The following NAPRT variants were observed in gnomAD, a reference collection of about 807,000 sequenced individuals.
The protein encoded by NAPRT is FHA-HIT-interacting protein.
NAPRT carries 66 observed loss-of-function variants against 60.7 expected under a neutral mutation model. That is an observed-to-expected ratio of 1.09 (90% CI 0.89 to 1.33). The LOEUF (loss-of-function observed/expected upper bound fraction) is 1.33, where lower values mean the gene tolerates loss of function less well. NAPRT is among the 40% of genes most tolerant of loss of function. The pLI, the probability that NAPRT is intolerant of heterozygous loss-of-function variation, is 0.00. For missense variants in NAPRT, 818 were observed against 731.5 expected (o/e 1.12, Z -1.36); for synonymous variants, 405 against 335.7 (o/e 1.21, Z -2.26).
At position 143,577,142 on chromosome 8, in the gene NAPRT, G is replaced by T. The variant is rs577348741; in HGVS notation, c.604C>A (p.Leu202Met). 6.2e-6 allele frequency: 10 copies of T among 1,612,886 alleles called. No individual in the cohort carries two copies. Among genetic ancestry groups the T allele is most frequent in the Non-Finnish European group, 8.5e-6 (10 of 1,179,888 alleles). Residue 202 changes from leucine (L) to methionine (M), a missense_variant, in exon 5 of 13, where the codon CTG becomes ATG. Transcript: ENST00000449291. Reference sequence around the variant, plus strand: ...GTCCCGGCCACCGGCACACCTCGCAGCTGGCCCGCTAGCACGTTGCTGCTG... The same window carrying T: ...GTCCCGGCCACCGGCACACCTCGCATCTGGCCCGCTAGCACGTTGCTGCTG... ...DSSSNVLAGQ[L>M]RGVPVAGTLA...
In NAPRT at chr8:143,575,525, G is replaced by A; in HGVS notation, c.1189C>T (p.Leu397=). Residue 397 remains leucine (L), a splice_region_variant and synonymous_variant, in exon 10 of 13, where the codon CTG becomes TTG. Transcript: ENST00000449291. ...CGTGGCTGGCCCCCCACGGCCACCA[G>A]CTGCAGGAAGAGGGCGTTGAGCTGG... is the stretch of plus-strand genomic sequence containing the variant. The part of the protein sequence containing the change: ...QQPSLGGVYK[L]VAVGGQPRMK... The A allele has an allele frequency of 2.5e-6, 4 of 1,598,776 alleles. No homozygotes were observed. The highest frequency in any genetic ancestry group is 2.6e-6 in the Non-Finnish European group (3 of 1,168,448).
In NAPRT at chr8:143,577,324, C is replaced by T. The variant is rs1469410052; in HGVS notation, c.513G>A (p.Arg171=). The T allele has an allele frequency of 6.2e-7, 1 of 1,605,790 alleles. No individual in the cohort carries two copies. The highest frequency in any genetic ancestry group is 8.5e-7 in the Non-Finnish European group (1 of 1,177,328). Residue 171 remains arginine (R), a synonymous_variant, in exon 4 of 13, where the codon AGG becomes AGA. Coordinates refer to ENST00000449291, the MANE Select transcript of NAPRT (RefSeq NM_145201.6). Reference sequence around the variant, plus strand: ...GGCCCCCATCGGGGCCCTGAGCCCGCCTCAGGCCCATCTCTAGCAGCCGCT... The same window carrying T: ...GGCCCCCATCGGGGCCCTGAGCCCGTCTCAGGCCCATCTCTAGCAGCCGCT... The part of the protein sequence containing the change: ...PEKRLLEMGL[R]RAQGPDGGLT...
At chr8:143,573,288 A>AG (rs1310281497), downstream of NAPRT, among the ~76,000 whole-genome samples, 8 of 152,262 alleles carry the variant, frequency 5.3e-5, no homozygotes, top group South Asian at 1.7e-3. Flanking sequence ...GGAGGTGTGG[A>AG]GGGGGCAGTG....
chr8:143,577,306 A>C lies in NAPRT; in HGVS notation c.531T>G (p.Asp177Glu). ...TGTAGGTGGAGGCTGTCAGGCCCCC[A>C]TCGGGGCCCTGAGCCCGCCTCAGGC... The part of the protein sequence containing the change: ...EMGLRRAQGP[D>E]GGLTASTYSY... Residue 177 changes from aspartate (D) to glutamate (E), a missense_variant, in exon 4 of 13, where the codon GAT (aspartate) becomes GAG (glutamate). Coordinates refer to ENST00000449291, the MANE Select transcript of NAPRT (RefSeq NM_145201.6). The C allele has an allele frequency of 6.2e-7, 1 of 1,606,778 alleles. No homozygotes were observed. The highest frequency in any genetic ancestry group is 8.5e-7 in the Non-Finnish European group (1 of 1,177,666).
At chr8:143,575,575 C>T (rs1824382464) in intron 9 of NAPRT, 47 bp downstream of exon 9, 2 of 1,591,748 alleles carry the variant, frequency 1.3e-6, no homozygotes, top group Non-Finnish European at 8.6e-7. Flanking sequence ...CCACCCAGCA[C>T]CATCCCTCAG....
At position 143,574,839 on chromosome 8, in the gene NAPRT, C is replaced by T. The variant is rs1270096940; in HGVS notation, c.1616G>A (p.Ter539=). 6.4e-7 allele frequency: 1 copy of T among 1,550,672 alleles called. No homozygotes were observed. Among genetic ancestry groups the T allele is most frequent in the Non-Finnish European group, 8.7e-7 (1 of 1,146,982 alleles). Reference sequence around the variant, plus strand: ...TTCCAGTCAGCCCCGCTCCGAGTCTCAGGGGGACTGCCCCGCACACAGACT... The same window carrying T: ...TTCCAGTCAGCCCCGCTCCGAGTCTTAGGGGGACTGCCCCGCACACAGACT... ...VNSLCAGQSP[*] is the part of the protein sequence containing the mutation. The change falls in exon 13 of 13, where the codon TGA becomes TAA. Residue 539 remains the stop codon, a stop_retained_variant. Coordinates refer to ENST00000449291, the MANE Select transcript of NAPRT (RefSeq NM_145201.6).
chr8:143,576,037 G>T, intron 8 of NAPRT, 41 bp downstream of exon 8: 1 of 1,501,414 alleles, frequency 6.7e-7, no homozygotes, highest in Non-Finnish European at 9.0e-7. Flanking sequence ...GGCCCCCAGA[G>T]CCCCCCAGCC....
rs757351270 is a variant in NAPRT at position 143,575,248 on chromosome 8, G to A, written c.1389C>T (p.Cys463=). 1 of 1,612,604 alleles carries A rather than the reference G, an allele frequency of 6.2e-7. No individual in the cohort carries two copies. The highest frequency in any genetic ancestry group is 2.2e-5 in the East Asian group (1 of 44,880). The change falls in exon 11 of 13, where the codon TGC becomes TGT. Residue 463 remains cysteine (C), a synonymous_variant. Coordinates refer to ENST00000449291, the MANE Select transcript of NAPRT (RefSeq NM_145201.6). ...RVWPPGAQEP[C]TVRPAQVEPL... Reference sequence around the variant, plus strand: ...GCTCCACCTGGGCTGGCCTCACGGTGCAGGGCTCCTGGGCCCCTGGAGGCC... The same window carrying A: ...GCTCCACCTGGGCTGGCCTCACGGTACAGGGCTCCTGGGCCCCTGGAGGCC...
rs1378459162 is a variant in NAPRT, at chr8:143,575,101, G to A, written c.1447-8C>T. On this transcript the variant is annotated splice_polypyrimidine_tract_variant and splice_region_variant and intron_variant, in intron 11 of 12. Coordinates refer to ENST00000449291, the MANE Select transcript of NAPRT (RefSeq NM_145201.6). ...TGGGAGCGGCTCACACAGCTGCAGG[G>A]AGGAGGTAAGGAAAGAGAAGCTTGG... is the stretch of plus-strand genomic sequence containing the variant. 3 of 1,532,432 alleles carry A rather than the reference G, an allele frequency of 2.0e-6. No homozygotes were observed. In the East Asian group the frequency reaches 7.3e-5, roughly 37 times the overall value. The allele number at this position is 1,532,432 out of a possible 1,614,324, so 94.9% of individuals were successfully genotyped here. A position where few individuals can be genotyped will look rare whatever the true frequency, so the allele number is the denominator to read the frequency against.
At chr8:143,574,658 T>C (rs1475801292), downstream of NAPRT, 10 of 743,916 alleles carry the variant, frequency 1.3e-5, no homozygotes, top group Non-Finnish European at 2.1e-5. Context: ...GCAGGGCCTG[T>C]GCTTTCACTG....
chr8:143,574,359 C>T (rs1272060836), downstream of NAPRT, among the ~76,000 whole-genome samples: 1 of 152,204 alleles, frequency 6.6e-6, no homozygotes, highest in Non-Finnish European at 1.5e-5. Flanking sequence ...GAGTTTGAGA[C>T]GTCTTCACTG....
In NAPRT at chr8:143,575,331, C is replaced by A. The variant is rs1235144937; in HGVS notation, c.1306G>T (p.Asp436Tyr). 6 of 1,612,714 alleles carry A rather than the reference C, an allele frequency of 3.7e-6. No homozygotes were observed. In the East Asian group the frequency reaches 1.3e-4, roughly 36 times the overall value. Residue 436 changes from aspartate to tyrosine, a missense_variant, in exon 11 of 13, where the codon GAC becomes TAC. Transcript: ENST00000449291. ...GGCTCTTCTGCTAACTGCAGCATGT[C>A]CATGAGTGGAGACCCTGTGTGGACG... ...LLGSDGSPLMDMLQLAEEPVP... is the reference protein window; with the variant it reads ...LLGSDGSPLMYMLQLAEEPVP...
chr8:143,576,209 C>A, intron 7 of NAPRT, 47 bp from the exon 8 acceptor site: 1 of 1,510,610 alleles, frequency 6.6e-7, no homozygotes, highest in Non-Finnish European at 8.9e-7. Flanking sequence ...TCGGGTCTTC[C>A]TGATTCACCC....
rs962746019 is a variant in NAPRT, at chr8:143,575,513, C to T, written c.1201G>A (p.Gly401Arg). 43 of 1,598,320 alleles carry T rather than the reference C, an allele frequency of 2.7e-5. No homozygotes were observed. The highest frequency in any genetic ancestry group is 3.7e-5 in the Non-Finnish European group (43 of 1,168,020). ...LGGVYKLVAV[G>R]GQPRMKLTED... ...GTCAGCTTCATTCGTGGCTGGCCCC[C>T]CACGGCCACCAGCTGCAGGAAGAGG... Residue 401 changes from glycine to arginine, a missense_variant, in exon 10 of 13, where the codon GGG becomes AGG. By Grantham distance (125) the Gly-to-Arg change is moderately radical. Transcript: ENST00000449291.
At chr8:143,575,133 C>T in intron 11 of NAPRT, 40 bp from the exon 12 acceptor site, 5 of 1,565,450 alleles carry the variant, frequency 3.2e-6, no homozygotes, top group Admixed American at 1.9e-5. Flanking sequence ...TTGGGGCTAG[C>T]TCCCAGTCAG....
chr8:143,575,116 G>A (rs978155361), intron 11 of NAPRT, 23 bp from the exon 12 acceptor site: 2 of 1,548,600 alleles, frequency 1.3e-6, no homozygotes. Context: ...GGTAAGGAAA[G>A]AGAAGCTTGG....
chr8:143,575,598 C>A, intron 9 of NAPRT, 24 bp downstream of exon 9: 1 of 1,586,124 alleles, frequency 6.3e-7, no homozygotes. Context: ...CTGCCCCCAC[C>A]TGGGCCCCCG....
At chr8:143,574,713 A>G, downstream of NAPRT, 1 of 1,183,336 alleles carries the variant, frequency 8.5e-7, no homozygotes, top group Non-Finnish European at 1.2e-6. Context: ...TCCCGACTCC[A>G]GCCCAGCCGC....
chr8:143,577,849 T>C lies in NAPRT; in HGVS notation c.321A>G (p.Arg107=). The C allele has an allele frequency of 6.2e-7, 1 of 1,611,510 alleles. No individual in the cohort carries two copies. The change falls in exon 2 of 13, where the codon CGA becomes CGG. Residue 107 remains arginine, a synonymous_variant. Transcript: ENST00000449291. ...RALDCSEVTV[R]ALPEGSLAFP... is the part of the protein sequence containing the mutation. ...AGGCGAGGGAGCCCTCGGGCAGGGCTCGCACCGTCACCTCGGAGCAGTCGA... is the reference window on the plus strand; with the variant it reads ...AGGCGAGGGAGCCCTCGGGCAGGGCCCGCACCGTCACCTCGGAGCAGTCGA...
Sources: gnomAD v4.1 joint callset for allele counts (sites outside exome capture counted in the v4.1 genomes callset) on GRCh38, gnomAD v4.1.1 for gene constraint, MANE v1.5 for transcripts, NCBI Gene and HGNC (gene_info 2026-07-23, HGNC 2026-07-21) for gene names.